Variants in CCDC146 observed in about 807,000 individuals in gnomAD.
The protein encoded by CCDC146 is coiled-coil domain-containing protein 146.
A neutral mutation model predicts 119.3 loss-of-function variants in CCDC146; 92 were observed. The ratio of observed to expected loss-of-function variants is 0.77; its 90% CI spans 0.65 to 0.92. The LOEUF is 0.92. CCDC146 is among the 40% of genes least tolerant of loss of function. CCDC146 has a pLI of 0.00. For synonymous variants in CCDC146, 372 were observed against 371.8 expected, an observed-to-expected ratio of 1.00 and a Z score of -0.01; for missense variants, 1,000 against 1,103.0, an observed-to-expected ratio of 0.91 and a Z score of 1.32.
chr7:77,294,373 T>G (rs1291080536), intron 18 of CCDC146, among the ~76,000 whole-genome samples: 3 of 151,252 alleles, frequency 2.0e-5, no homozygotes, highest in Non-Finnish European at 2.9e-5. Context: ...GGTGTGGGGG[T>G]GTGTGTGTGT....
chr7:77,202,741 G>T (rs1792015870), intron 2 of CCDC146, among the ~76,000 whole-genome samples: 1 of 152,162 alleles, frequency 6.6e-6, no homozygotes, highest in South Asian at 2.1e-4. Flanking sequence ...CGCCTCTACG[G>T]TTCCTCCCTG....
intron 2 of CCDC146, among the ~76,000 whole-genome samples, chr7:77,169,148 G>A (rs1484691596): frequency 2.6e-5 from 4 of 151,660 alleles, no homozygotes; most frequent in South Asian, 2.1e-4. Context: ...AGAAGAGGCC[G>A]GTTATTTTGT....
At chr7:77,212,403 C>T (rs28393615) in intron 2 of CCDC146, among the ~76,000 whole-genome samples, 4,201 of 151,874 alleles carry the variant, frequency 0.028, 187 homozygotes, top group African/African-American at 0.095. Context: ...GGGCGGATCA[C>T]GAGGTCAGGA....
intron 1 of CCDC146, among the ~76,000 whole-genome samples, chr7:77,150,732 AG>A (rs1647149866): frequency 6.6e-6 from 1 of 152,214 alleles, no homozygotes; most frequent in Admixed American, 6.5e-5. Flanking sequence ...GAAAACTTGT[AG>A]TCACATGAAG....
At chr7:77,203,309 G>A (rs1439066694) in intron 2 of CCDC146, among the ~76,000 whole-genome samples, 1 of 152,086 alleles carries the variant, frequency 6.6e-6, no homozygotes, top group East Asian at 1.9e-4. Context: ...GACAGAGGTA[G>A]CAGTAGGTTG....
chr7:77,146,255 T>C (rs911441808), intron 1 of CCDC146, among the ~76,000 whole-genome samples: 2 of 152,060 alleles, frequency 1.3e-5, no homozygotes, highest in African/African-American at 4.8e-5. Flanking sequence ...TTTTTTGTTT[T>C]CCAATTGCTT....
chr7:77,244,799 A>T (rs1183377108), intron 4 of CCDC146, among the ~76,000 whole-genome samples: 2 of 19,782 alleles, frequency 1.0e-4, no homozygotes, highest in Non-Finnish European at 8.3e-5. Flanking sequence ...CCTCCCACTG[A>T]CCTCCTTCCC....
intron 2 of CCDC146, among the ~76,000 whole-genome samples, chr7:77,231,452 T>G (rs762621153): frequency 2.0e-5 from 3 of 152,172 alleles, no homozygotes; most frequent in Non-Finnish European, 4.4e-5. Flanking sequence ...ATAAATGGGT[T>G]TGGTACTATC....
chr7:77,290,417 G>A (rs1793923876), intron 17 of CCDC146, among the ~76,000 whole-genome samples: 1 of 152,102 alleles, frequency 6.6e-6, no homozygotes, highest in South Asian at 2.1e-4. Context: ...AAAAAAGTGT[G>A]CCGTGGTTGA....
intron 11 of CCDC146, among the ~76,000 whole-genome samples, chr7:77,274,902 T>A (rs950080524): frequency 2.5e-4 from 38 of 152,036 alleles, no homozygotes; most frequent in African/African-American, 7.5e-4. Context: ...CGGGGAGGGA[T>A]AGCATTAGGA....
At chr7:77,226,186 G>A (rs1450962091) in intron 2 of CCDC146, among the ~76,000 whole-genome samples, 1 of 152,138 alleles carries the variant, frequency 6.6e-6, no homozygotes, top group Non-Finnish European at 1.5e-5. Context: ...ACTTGAAATG[G>A]CCGTATTGTT....
chr7:77,275,967 G>C (rs1309481643), intron 11 of CCDC146, among the ~76,000 whole-genome samples: 2 of 152,094 alleles, frequency 1.3e-5, no homozygotes, highest in Non-Finnish European at 2.9e-5. Context: ...AGCACTTTGG[G>C]AGGCTGAGGC....
At chr7:77,265,951 T>C (rs1793394540) in intron 9 of CCDC146, among the ~76,000 whole-genome samples, 1 of 152,224 alleles carries the variant, frequency 6.6e-6, no homozygotes, top group Non-Finnish European at 1.5e-5. Context: ...ACCATGTGTG[T>C]TGGCATGACA....
In CCDC146 at chr7:77,274,562, C is replaced by T. The variant is rs761815956; in HGVS notation, c.1350C>T (p.Asn450=). 8.7e-6 allele frequency: 14 copies of T among 1,612,532 alleles called. No homozygotes were observed. The highest frequency in any genetic ancestry group is 1.7e-5 in the Admixed American group (1 of 59,906). ...ACAAGCTTTTAAAGGAGCAAGAAAA[C>T]ATGAAAGAGCTAGTAGTCAACCTTC... ...EENKLLKEQE[N]MKELVVNLLR... is the part of the protein sequence containing the mutation. The change falls in exon 11 of 19, where the codon AAC becomes AAT. Residue 450 remains asparagine (N), a synonymous_variant. Coordinates refer to ENST00000285871, the MANE Select transcript of CCDC146 (RefSeq NM_020879.3).
At chr7:77,129,433 A>G (rs996246585) in intron 1 of CCDC146, among the ~76,000 whole-genome samples, 1 of 152,102 alleles carries the variant, frequency 6.6e-6, no homozygotes, top group Non-Finnish European at 1.5e-5. Flanking sequence ...AAAGTGAAAC[A>G]TTCTCAATTT....
Position 77,165,143 on chromosome 7 carries a change from C to T in CCDC146, c.-11-2515C>T, listed in dbSNP as rs542814254. On this transcript the variant is annotated intron_variant, in intron 1 of 18. Transcript: ENST00000285871. ...GTCACCAAAGTGGACCAATGGAGCC[C>T]TTGCTGACTAAGACAGAGTCCTTTT... is the stretch of plus-strand genomic sequence containing the variant. 2.0e-5 allele frequency among the ~76,000 whole-genome samples: 3 copies of T among 152,192 alleles called. No homozygotes were observed. In the South Asian group the frequency reaches 6.2e-4, roughly 32 times the overall value.
chr7:77,256,181 T>C, intron 5 of CCDC146, 152 bp from the exon 6 acceptor site: 1 of 558,296 alleles, frequency 1.8e-6, no homozygotes, highest in South Asian at 2.4e-5. Context: ...CATTTAGCTT[T>C]ATGAGAAATC....
chr7:77,232,373 C>A (rs1335214136), intron 2 of CCDC146, among the ~76,000 whole-genome samples: 1 of 152,192 alleles, frequency 6.6e-6, no homozygotes. Flanking sequence ...GTCTCCTGGA[C>A]CACCAGTATC....
At chr7:77,209,942 A>G (rs1792151101) in intron 2 of CCDC146, among the ~76,000 whole-genome samples, 1 of 152,190 alleles carries the variant, frequency 6.6e-6, no homozygotes, top group Non-Finnish European at 1.5e-5. Context: ...CTGGCCCACA[A>G]AACCATTTTT....
Sources: allele counts gnomAD v4.1 joint callset (sites outside exome capture counted in the v4.1 genomes callset), GRCh38; gene constraint gnomAD v4.1.1; transcripts MANE v1.5; gene names NCBI Gene and HGNC (gene_info 2026-07-23, HGNC 2026-07-21).